Variants in CACNA1E observed in about 807,000 individuals in gnomAD.
CACNA1E encodes voltage-dependent R-type calcium channel subunit alpha-1E.
Under a neutral mutation model 259.2 loss-of-function variants are expected in CACNA1E, and 40 were observed. That is an observed-to-expected ratio of 0.15 (90% confidence interval 0.12 to 0.20). CACNA1E has a LOEUF of 0.20. CACNA1E is among the 10% of genes least tolerant of loss of function. The pLI is 1.00. For synonymous variants in CACNA1E, 1,104 were observed against 1,138.5 expected (o/e 0.97, Z 0.61); for missense variants, 1,874 against 3,040.1 (o/e 0.62, Z 9.02).
In CACNA1E at chr1:181,799,053, G is replaced by C. The variant is rs878892436; in HGVS notation, c.*219G>C. ...GCAAGATGGGCACTGCCATAGTTCT[G>C]CCTCTTTGCTGGGGAAAGAAACCAG... On this transcript the variant is annotated 3_prime_UTR_variant, in exon 48 of 48. Transcript: ENST00000367573. 1 of 439,762 alleles carries C rather than the reference G, an allele frequency of 2.3e-6. No individual in the cohort carries two copies. The highest frequency in any genetic ancestry group is 3.9e-5 in the Admixed American group (1 of 25,322). The allele number at this position is 439,762 out of a possible 1,614,324, so 27.2% of individuals were successfully genotyped here.
At position 181,726,087 on chromosome 1, in the gene CACNA1E, C is replaced by G; in HGVS notation, c.2165C>G (p.Ala722Gly). 3 of 1,612,610 alleles carry G rather than the reference C, an allele frequency of 1.9e-6. No individual in the cohort carries two copies. The highest frequency in any genetic ancestry group is 8.5e-7 in the Non-Finnish European group (1 of 1,179,166). Residue 722 changes from alanine (A) to glycine (G), a missense_variant, in exon 18 of 48, where the codon GCC becomes GGC. Ala to Gly is a moderately conservative substitution (Grantham distance 60). Coordinates refer to ENST00000367573, the MANE Select transcript of CACNA1E (RefSeq NM_001205293.3). ...LTKDEQEEEE[A>G]FNQKHALQKA... ...TAGGATGAACAGGAGGAAGAAGAGG[C>G]CTTCAACCAGAAACATGCACTGCAG... is the stretch of plus-strand genomic sequence containing the variant.
At chr1:181,761,396 G>C (rs1305355406) in intron 32 of CACNA1E, among the ~76,000 whole-genome samples, 2 of 152,162 alleles carry the variant, frequency 1.3e-5, no homozygotes, top group Non-Finnish European at 2.9e-5. Context: ...TCCATGAGAA[G>C]AATAAATGAG....
chr1:181,513,564 T>C (rs1438907366), intron 3 of CACNA1E, among the ~76,000 whole-genome samples: 1 of 152,226 alleles, frequency 6.6e-6, no homozygotes, highest in African/African-American at 2.4e-5. Flanking sequence ...GAAGTACTTC[T>C]GGAGGAGTAT....
chr1:181,394,689 C>T (rs955800930), intron 1 of CACNA1E, among the ~76,000 whole-genome samples: 3 of 152,152 alleles, frequency 2.0e-5, no homozygotes, highest in African/African-American at 7.2e-5. Flanking sequence ...ATGGCTAAGA[C>T]AGGCCATCAT....
intron 2 of CACNA1E, among the ~76,000 whole-genome samples, chr1:181,416,271 T>C (rs1658269406): frequency 6.6e-6 from 1 of 152,250 alleles, no homozygotes; most frequent in African/African-American, 2.4e-5. Flanking sequence ...TTCCAACCGA[T>C]GTCAGCCAGT....
At chr1:181,642,827 C>G (rs1431222663) in intron 6 of CACNA1E, among the ~76,000 whole-genome samples, 1 of 152,184 alleles carries the variant, frequency 6.6e-6, no homozygotes, top group African/African-American at 2.4e-5. Context: ...CCATCCTGGC[C>G]CCCCAGAGCA....
intron 1 of CACNA1E, among the ~76,000 whole-genome samples, chr1:181,333,241 G>A (rs963345807): frequency 1.3e-5 from 2 of 152,184 alleles, no homozygotes; most frequent in Non-Finnish European, 2.9e-5. Context: ...GTCTGTGGAA[G>A]AGGCTTCCCC....
At chr1:181,504,639 C>T (rs1288992023) in intron 1 of CACNA1E, among the ~76,000 whole-genome samples, 1 of 152,208 alleles carries the variant, frequency 6.6e-6, no homozygotes, top group African/African-American at 2.4e-5. Context: ...GGCCAGGCCC[C>T]CAGGGCTCCG....
At chr1:181,710,823 G>C (rs958938864) in intron 7 of CACNA1E, 131 bp from the exon 8 acceptor site, 2 of 655,822 alleles carry the variant, frequency 3.0e-6, no homozygotes, top group African/African-American at 1.8e-5. Flanking sequence ...TTGCAGCCTG[G>C]GTCAGGGGAA....
At chr1:181,604,241 A>G (rs1654021009) in intron 6 of CACNA1E, among the ~76,000 whole-genome samples, 1 of 152,134 alleles carries the variant, frequency 6.6e-6, no homozygotes, top group African/African-American at 2.4e-5. Context: ...ACTCACCACC[A>G]GGGCGTGAGC....
At chr1:181,364,223 A>T (rs1654097578) in intron 1 of CACNA1E, among the ~76,000 whole-genome samples, 1 of 152,128 alleles carries the variant, frequency 6.6e-6, no homozygotes, top group Non-Finnish European at 1.5e-5. Flanking sequence ...ATTGAACTCT[A>T]CATTGTGTGT....
At chr1:181,720,383 T>G (rs1224195630) in intron 14 of CACNA1E, 46 bp downstream of exon 14, 4 of 1,586,502 alleles carry the variant, frequency 2.5e-6, no homozygotes, top group Non-Finnish European at 2.6e-6. Flanking sequence ...CAAAACCCAG[T>G]CGTAGCCTGT....
At chr1:181,629,576 A>G (rs1656506161) in intron 6 of CACNA1E, among the ~76,000 whole-genome samples, 1 of 152,152 alleles carries the variant, frequency 6.6e-6, no homozygotes, top group Non-Finnish European at 1.5e-5. Context: ...CAAATTTTTT[A>G]TGGTAAAGGA....
intron 1 of CACNA1E, among the ~76,000 whole-genome samples, chr1:181,408,668 G>A (rs657990): frequency 6.6e-6 from 1 of 151,992 alleles, no homozygotes; most frequent in Non-Finnish European, 1.5e-5. Flanking sequence ...TACACTAAAC[G>A]CTCTTCCACC....
intron 1 of CACNA1E, among the ~76,000 whole-genome samples, chr1:181,487,877 C>T (rs1663983454): frequency 6.6e-6 from 1 of 152,210 alleles, no homozygotes; most frequent in Non-Finnish European, 1.5e-5. Context: ...TCCCCCCACA[C>T]CTCCATCGCC....
chr1:181,736,502 G>C, intron 22 of CACNA1E, 68 bp downstream of exon 22: 1 of 1,421,490 alleles, frequency 7.0e-7, no homozygotes, highest in South Asian at 1.3e-5. Context: ...GCAGGGCAGG[G>C]TGAAGGGGAG....
intron 2 of CACNA1E, among the ~76,000 whole-genome samples, chr1:181,436,114 A>G (rs1452500315): frequency 2.0e-5 from 3 of 152,268 alleles, no homozygotes; most frequent in Non-Finnish European, 4.4e-5. Context: ...GATCCATGAA[A>G]AGATGCTCAA....
At chr1:181,781,600 G>T in intron 39 of CACNA1E, 77 bp downstream of exon 39, 1 of 785,138 alleles carries the variant, frequency 1.3e-6, no homozygotes, top group Non-Finnish European at 2.2e-6. Flanking sequence ...CCAGAACATG[G>T]GGAGGAAGCC....
intron 6 of CACNA1E, among the ~76,000 whole-genome samples, chr1:181,599,546 C>A (rs1389702793): frequency 3.3e-5 from 5 of 152,198 alleles, no homozygotes; most frequent in African/African-American, 1.2e-4. Flanking sequence ...TAGCACTTAT[C>A]ACCTCTTGTG....
Sources: gnomAD v4.1 joint callset for allele counts (sites outside exome capture counted in the v4.1 genomes callset) on GRCh38, gnomAD v4.1.1 for gene constraint, MANE v1.5 for transcripts, NCBI Gene and HGNC (gene_info 2026-07-23, HGNC 2026-07-21) for gene names.